The following SBNO2 variants were observed in gnomAD, a reference collection of about 807,000 sequenced individuals.
SBNO2 encodes protein strawberry notch homolog 2.
SBNO2 carries 89 observed loss-of-function variants against 146.3 expected under a neutral mutation model. The observed-to-expected ratio is 0.61, with a 90% CI of 0.51 to 0.73. The LOEUF (loss-of-function observed/expected upper bound fraction) is 0.73, where lower values mean the gene tolerates loss of function less well. Among genes scored for constraint, SBNO2 ranks in the 30% least tolerant of loss-of-function variants. SBNO2 has a pLI of 0.00. For synonymous variants in SBNO2, 1,147 were observed against 892.6 expected, an observed-to-expected ratio of 1.29 and a Z score of -5.08; for missense variants, 2,092 against 2,003.7, an observed-to-expected ratio of 1.04 and a Z score of -0.84.
rs567459190 is a variant in SBNO2 at position 1,115,835 on chromosome 19, G to A, written c.1885+186C>T. ...GTCTGTTGCTTCCTCTTCCCTAAGC[G>A]TTCCATGGCAGGGTCCACGCAAGAC... On this transcript the variant is annotated intron_variant, in intron 17 of 31. Transcript: ENST00000361757. 180 of 629,442 alleles carry A rather than the reference G, an allele frequency of 2.9e-4. 2 individuals are homozygous for A. The highest frequency in any genetic ancestry group is 2.5e-3 in the South Asian group (142 of 56,646). 39.0% of individuals were successfully genotyped at this position (629,442 alleles called of 1,614,324 possible).
At chr19:1,151,415 G>A (rs1015112058) in intron 2 of SBNO2, among the ~76,000 whole-genome samples, 6 of 152,154 alleles carry the variant, frequency 3.9e-5, no homozygotes, top group Non-Finnish European at 7.4e-5. Flanking sequence ...AGTCCTGACT[G>A]CCTCTATCCC....
At position 1,108,312 on chromosome 19, in the gene SBNO2, C is replaced by T. The variant is rs1258810930; in HGVS notation, c.4009G>A (p.Ala1337Thr). The change falls in exon 32 of 32, where the codon GCG (alanine) becomes ACG (threonine). Residue 1337 changes from alanine (A) to threonine (T), a missense_variant. Transcript: ENST00000361757. Reference protein sequence around the residue: ...PPSEGALGEGAGAGGAAGGGP... With the variant: ...PPSEGALGEGTGAGGAAGGGP... ...CCGCCCGCCGCGCCCCCCGCCCCCG[C>T]GCCCTCCCCCAGCGCGCCCTCGGAG... The T allele has an allele frequency of 7.2e-5, 104 of 1,448,158 alleles. 1 individual carries two copies. The highest frequency in any genetic ancestry group is 9.2e-5 in the Non-Finnish European group (101 of 1,096,796). 89.7% of individuals were successfully genotyped at this position (1,448,158 alleles called of 1,614,324 possible).
At position 1,144,909 on chromosome 19, in the gene SBNO2, T is replaced by C. The variant is rs1488181748; in HGVS notation, c.279+2400A>G. ...GGAGACAGAGAGACAGAGGCGGAGA[T>C]GGAGACAGAGACAGAGAGACAGAGA... is the stretch of plus-strand genomic sequence containing the variant. On this transcript the variant is annotated intron_variant, in intron 4 of 31. Transcript: ENST00000361757. The surrounding 1 kb of genome is among the most constrained non-coding windows in gnomAD (Gnocchi z 4.1). Among the ~76,000 whole-genome samples, 238 of 62,614 alleles carry C rather than the reference T, an allele frequency of 3.8e-3. 2 individuals carry two copies. The highest frequency in any genetic ancestry group is 0.022 in the African/African-American group (226 of 10,322). The allele number at this position is 62,614 out of a possible 152,430, so 41.1% of individuals were successfully genotyped here. A position where few individuals can be genotyped will look rare whatever the true frequency, so the allele number is the denominator to read the frequency against.
At chr19:1,125,100 C>T (rs1426465940) in intron 5 of SBNO2, among the ~76,000 whole-genome samples, 2 of 151,892 alleles carry the variant, frequency 1.3e-5, no homozygotes, top group African/African-American at 2.4e-5. Flanking sequence ...ACCCGTAAAT[C>T]CCAGCACTTT....
rs1333241522 is a variant in SBNO2, at chr19:1,112,226, C to T, written c.2591G>A (p.Arg864Gln). 6.3e-7 allele frequency: 1 copy of T among 1,590,120 alleles called. No homozygotes were observed. The highest frequency in any genetic ancestry group is 8.6e-7 in the Non-Finnish European group (1 of 1,168,684). ...FLISELAGER[R>Q]FASIVAKRLE... ...GCGCTTGGCCACGATGGAGGCGAAC[C>T]GGCGCTCCCCGGCCAGCTCCGAGAT... The change falls in exon 22 of 32, where the codon CGG becomes CAG. Residue 864 changes from arginine (R) to glutamine (Q), a missense_variant. By Grantham distance (43) the Arg-to-Gln change is conservative. Transcript: ENST00000361757. This position sits in a 1 kb window ranked among gnomAD's most constrained non-coding sequence, Gnocchi z 5.9.
chr19:1,150,072 C>T lies in SBNO2; in HGVS notation c.94-630G>A, dbSNP rs750737902. ...TGACCAGTGGCCTGGAGGCTCAGCC[C>T]GAGGTCAGTGGAGGCGTGAGTGGCT... On this transcript the variant is annotated intron_variant, in intron 2 of 31. Coordinates refer to ENST00000361757, the MANE Select transcript of SBNO2 (RefSeq NM_014963.3). The surrounding 1 kb of genome is among the most constrained non-coding windows in gnomAD (Gnocchi z 6.2). Among the ~76,000 whole-genome samples, 2 of 152,128 alleles carry T rather than the reference C, an allele frequency of 1.3e-5. No homozygotes were observed. Among genetic ancestry groups the T allele is most frequent in the African/African-American group, 2.4e-5 (1 of 41,414 alleles).
intron 2 of SBNO2, among the ~76,000 whole-genome samples, chr19:1,152,859 A>G (rs2080255317): frequency 6.6e-6 from 1 of 152,082 alleles, no homozygotes. Flanking sequence ...CTCCAGGTAA[A>G]TCCCCAGGCA....
At chr19:1,124,833 C>G (rs1413431936) in intron 5 of SBNO2, among the ~76,000 whole-genome samples, 1 of 152,082 alleles carries the variant, frequency 6.6e-6, no homozygotes, top group African/African-American at 2.4e-5. Flanking sequence ...CTGTGGCCCA[C>G]CCAGGGGTCT....
In SBNO2 at chr19:1,108,135, A is replaced by G; in HGVS notation, c.*85T>C. 7.3e-7 allele frequency: 1 copy of G among 1,366,254 alleles called. No homozygotes were observed. The highest frequency in any genetic ancestry group is 9.7e-7 in the Non-Finnish European group (1 of 1,035,214). The allele number at this position is 1,366,254 out of a possible 1,614,324, so 84.6% of individuals were successfully genotyped here. On this transcript the variant is annotated 3_prime_UTR_variant, in exon 32 of 32. Coordinates refer to ENST00000361757, the MANE Select transcript of SBNO2 (RefSeq NM_014963.3). ...CCTAGGGCTCCTCTGAGCAGTGGTC[A>G]GGGGACCTTGGCCCTGCTCCCCACC... is the stretch of plus-strand genomic sequence containing the variant.
At chr19:1,133,097 G>C (rs1373944249) in intron 4 of SBNO2, among the ~76,000 whole-genome samples, 1 of 152,184 alleles carries the variant, frequency 6.6e-6, no homozygotes, top group Non-Finnish European at 1.5e-5. Flanking sequence ...GTCATTCTCG[G>C]TGTCCTTGGA....
chr19:1,149,680 G>A (rs565780236), intron 2 of SBNO2, among the ~76,000 whole-genome samples: 82 of 152,322 alleles, frequency 5.4e-4, no homozygotes, highest in African/African-American at 1.9e-3. Flanking sequence ...TGAACCACCC[G>A]CGTGAAGGGC....
In SBNO2 at chr19:1,140,597, CA is replaced by C. The variant is rs1415391437; in HGVS notation, c.279+6711del. The stretch of plus-strand genomic sequence containing the variant: ...CGGCATCCTGGCGCAGCGTGAGCCC[CA>C]GGGGTGGGGGTGGGGGTGGCCAGGG... On this transcript the variant is annotated intron_variant, in intron 4 of 31. Transcript: ENST00000361757. The surrounding 1 kb of genome is among the most constrained non-coding windows in gnomAD (Gnocchi z 4.4). 3.3e-5 allele frequency among the ~76,000 whole-genome samples: 5 copies of C among 150,386 alleles called. No individual in the cohort carries two copies. The highest frequency in any genetic ancestry group is 4.9e-5 in the African/African-American group (2 of 40,856).
chr19:1,109,864 T>G lies in SBNO2; in HGVS notation c.3029-87A>C. ...TCAGTCCCGTAGCCGGGGCGCACCC[T>G]AGAGACGACCCCCCGAGAGCACAGG... is the stretch of plus-strand genomic sequence containing the variant. On this transcript the variant is annotated intron_variant, in intron 26 of 31. Coordinates refer to ENST00000361757, the MANE Select transcript of SBNO2 (RefSeq NM_014963.3). This position sits in a 1 kb window ranked among gnomAD's most constrained non-coding sequence, Gnocchi z 4.2. The G allele has an allele frequency of 2.1e-6, 2 of 930,752 alleles. No homozygotes were observed. Among genetic ancestry groups the G allele is most frequent in the South Asian group, 1.7e-5 (1 of 59,056 alleles). The allele number at this position is 930,752 out of a possible 1,614,324, so 57.7% of individuals were successfully genotyped here. A position where few individuals can be genotyped will look rare whatever the true frequency, so the allele number is the denominator to read the frequency against.
chr19:1,119,529 C>T lies in SBNO2; in HGVS notation c.1360G>A (p.Ala454Thr), dbSNP rs369246262. 163 of 1,607,578 alleles carry T rather than the reference C, an allele frequency of 1.0e-4. No homozygotes were observed. Among genetic ancestry groups the T allele is most frequent in the Middle Eastern group, 1.6e-4 (1 of 6,074 alleles). ...AAGGGCACTCACCTCTTCTCGATGGCGTGCAGGAACTCCTCAAAGTTCCGG... is the reference window on the plus strand; with the variant it reads ...AAGGGCACTCACCTCTTCTCGATGGTGTGCAGGAACTCCTCAAAGTTCCGG... ...PFRNFEEFLH[A>T]IEKRGVGAME... Residue 454 changes from alanine to threonine, a missense_variant, in exon 13 of 32, where the codon GCC becomes ACC. Coordinates refer to ENST00000361757, the MANE Select transcript of SBNO2 (RefSeq NM_014963.3).
Position 1,108,413 on chromosome 19 carries a change from A to G in SBNO2, c.3908T>C (p.Leu1303Pro), listed in dbSNP as rs1200052612. Residue 1303 changes from leucine (L) to proline (P), a missense_variant, in exon 32 of 32, where the codon CTC becomes CCC. Physicochemically the swap from Leu to Pro is moderately conservative, Grantham distance 98. Coordinates refer to ENST00000361757, the MANE Select transcript of SBNO2 (RefSeq NM_014963.3). ...GTTGATGTCGCAGCCCTGGTGCGCG[A>G]GGGCCGCAGGGTCGGCCTGGGCGTC... ...TPDAQADPAA[L>P]AHQGCDINFK... 30 of 1,271,464 alleles carry G rather than the reference A, an allele frequency of 2.4e-5. No individual in the cohort carries two copies. Among genetic ancestry groups the G allele is most frequent in the Non-Finnish European group, 3.0e-5 (30 of 1,003,588 alleles). The allele number at this position is 1,271,464 out of a possible 1,614,324, so 78.8% of individuals were successfully genotyped here.
In SBNO2 at chr19:1,113,650, A is replaced by C; in HGVS notation, c.2132T>G (p.Val711Gly). The change falls in exon 19 of 32, where the codon GTG becomes GGG. Residue 711 changes from valine to glycine, a missense_variant. By Grantham distance (109) the Val-to-Gly change is moderately radical. Transcript: ENST00000361757. ...DPHGPGVLER[V>G]ERLKQDLLDK... ...CAGCAGATCCTGCTTCAGCCGCTCC[A>C]CCCGCTCCAGGACCCCGGGGCCATG... The C allele has an allele frequency of 1.3e-6, 2 of 1,596,542 alleles. No homozygotes were observed. The highest frequency in any genetic ancestry group is 1.7e-6 in the Non-Finnish European group (2 of 1,172,978).
rs142161285 is a variant in SBNO2 at position 1,152,915 on chromosome 19, G to A, written c.93+1269C>T. ...CGCCTGTAATCCCAGCACTTTGGGA[G>A]GTCAAGGCAGGCGGGTCAACTGAGC... On this transcript the variant is annotated intron_variant, in intron 2 of 31. Coordinates refer to ENST00000361757, the MANE Select transcript of SBNO2 (RefSeq NM_014963.3). Among the ~76,000 whole-genome samples, 1,385 of 152,264 alleles carry A rather than the reference G, an allele frequency of 9.1e-3. 8 individuals are homozygous for A. The highest frequency in any genetic ancestry group is 0.014 in the Non-Finnish European group (961 of 68,022).
chr19:1,123,825 C>A, intron 6 of SBNO2, 117 bp downstream of exon 6: 2 of 1,176,292 alleles, frequency 1.7e-6, no homozygotes, highest in East Asian at 2.6e-5. Flanking sequence ...ATAAAATGGG[C>A]ACTCCCAGCT....
chr19:1,110,918 T>G lies in SBNO2; in HGVS notation c.2885-30A>C. On this transcript the variant is annotated intron_variant, in intron 25 of 31. Transcript: ENST00000361757. The surrounding 1 kb of genome is among the most constrained non-coding windows in gnomAD (Gnocchi z 4.9). ...TAGGGGAGGGAGCCAAGCCTCAGGC[T>G]GCGCTGGGAATCCCTCTCCCTGCTT... The G allele has an allele frequency of 6.2e-7, 1 of 1,611,832 alleles. No homozygotes were observed. The highest frequency in any genetic ancestry group is 1.1e-5 in the South Asian group (1 of 91,070).
Sources: gnomAD v4.1 joint callset for allele counts (sites outside exome capture counted in the v4.1 genomes callset) on GRCh38, gnomAD v4.1.1 for gene constraint, Gnocchi (gnomAD v3.1) non-coding constraint, MANE v1.5 for transcripts, NCBI Gene and HGNC (gene_info 2026-07-23, HGNC 2026-07-21) for gene names.